Variants in KCNH5 observed in about 807,000 individuals in gnomAD.
KCNH5 encodes potassium voltage-gated channel subfamily H member 5.
A neutral mutation model predicts 96.1 loss-of-function variants in KCNH5; 46 were observed. The observed-to-expected ratio is 0.48, with a 90% confidence interval of 0.38 to 0.61. The LOEUF is 0.61. Among genes scored for constraint, KCNH5 ranks in the 20% least tolerant of loss-of-function variants. The probability of loss-of-function intolerance (pLI) is 0.00; values close to 1 mark genes in which losing one functional copy is unlikely to be tolerated. For synonymous variants in KCNH5, 439 were observed against 449.8 expected, an observed-to-expected ratio of 0.98 and a Z score of 0.30; for missense variants, 907 against 1,225.8, an observed-to-expected ratio of 0.74 and a Z score of 3.88.
intron 8 of KCNH5, among the ~76,000 whole-genome samples, chr14:62,841,541 T>C (rs906774968): frequency 3.3e-5 from 5 of 152,236 alleles, no homozygotes; most frequent in African/African-American, 9.6e-5. Flanking sequence ...TATAGAAATA[T>C]GTCATTCATC....
intron 7 of KCNH5, among the ~76,000 whole-genome samples, chr14:62,923,499 C>A (rs1199130492): frequency 6.6e-6 from 1 of 151,854 alleles, no homozygotes; most frequent in African/African-American, 2.4e-5. Context: ...ATAAAAGACC[C>A]TGAATAGCTA....
Position 62,779,916 on chromosome 14 carries a change from C to T in KCNH5, c.1831G>A (p.Asp611Asn). ...TTCCAGAAGATGTCTCCAAATACAT[C>T]ACCCTTCCCTAGAAAACAGTATAAG... Reference protein sequence around the residue: ...DEVVAILGKGDVFGDIFWKET... With the variant: ...DEVVAILGKGNVFGDIFWKET... Residue 611 changes from aspartate (D) to asparagine (N), a missense_variant, in exon 10 of 11, where the codon GAT becomes AAT. Asp to Asn is a conservative substitution (Grantham distance 23). Around this residue, in one of 6 missense-constraint regions of KCNH5, gnomAD observed 57 missense variants for 76.0 expected, o/e 0.75. Coordinates refer to ENST00000322893, the MANE Select transcript of KCNH5 (RefSeq NM_139318.5). 1 of 1,611,918 alleles carries T rather than the reference C, an allele frequency of 6.2e-7. No homozygotes were observed. The highest frequency in any genetic ancestry group is 8.5e-7 in the Non-Finnish European group (1 of 1,178,976).
At chr14:63,017,943 T>TA in intron 1 of KCNH5, among the ~76,000 whole-genome samples, 1 of 116,906 alleles carries the variant, frequency 8.6e-6, no homozygotes. Context: ...AGTTGCTGTA[T>TA]AAAAAACTGC....
chr14:62,868,963 T>G (rs1213610630), intron 7 of KCNH5, among the ~76,000 whole-genome samples: 2 of 152,344 alleles, frequency 1.3e-5, no homozygotes, highest in East Asian at 3.9e-4. Context: ...TGGTTCGAAG[T>G]CTTTGTTATT....
chr14:62,878,586 C>G (rs1479737194), intron 7 of KCNH5, among the ~76,000 whole-genome samples: 2 of 151,990 alleles, frequency 1.3e-5, no homozygotes, highest in African/African-American at 2.4e-5. Flanking sequence ...AGAAAATATA[C>G]AAAATATATA....
intron 7 of KCNH5, among the ~76,000 whole-genome samples, chr14:62,866,282 C>T (rs1014931002): frequency 2.6e-5 from 4 of 152,152 alleles, no homozygotes; most frequent in African/African-American, 9.7e-5. Context: ...TAAGTTTTGA[C>T]TTGATAAAAT....
intron 8 of KCNH5, among the ~76,000 whole-genome samples, chr14:62,807,193 G>A (rs1017043976): frequency 1.3e-5 from 2 of 152,036 alleles, no homozygotes; most frequent in African/African-American, 4.8e-5. Context: ...CAAGTCAGAG[G>A]TTGGATTAGA....
chr14:62,947,897 T>C (rs1202451704), intron 7 of KCNH5, among the ~76,000 whole-genome samples: 6 of 152,130 alleles, frequency 3.9e-5, no homozygotes, highest in Non-Finnish European at 8.8e-5. Flanking sequence ...TACATACGTA[T>C]ACATGTGCCA....
At chr14:62,811,805 C>T (rs1015359319) in intron 8 of KCNH5, among the ~76,000 whole-genome samples, 2 of 152,024 alleles carry the variant, frequency 1.3e-5, no homozygotes, top group South Asian at 2.1e-4. Context: ...AAGGCAGACT[C>T]CCAGGCAGGA....
intron 4 of KCNH5, among the ~76,000 whole-genome samples, chr14:62,993,358 T>A (rs560026916): frequency 1.3e-5 from 2 of 152,162 alleles, no homozygotes; most frequent in South Asian, 2.1e-4. Context: ...AAAATGACAT[T>A]GGTATTTTGA....
intron 10 of KCNH5, among the ~76,000 whole-genome samples, chr14:62,754,394 T>C (rs920311800): frequency 6.6e-6 from 1 of 151,746 alleles, no homozygotes; most frequent in Non-Finnish European, 1.5e-5. Context: ...TCCTTACTTA[T>C]CAATACAACA....
At chr14:63,022,112 C>G (rs965720606) in intron 1 of KCNH5, among the ~76,000 whole-genome samples, 5 of 152,132 alleles carry the variant, frequency 3.3e-5, no homozygotes, top group African/African-American at 1.2e-4. Flanking sequence ...ATAACATGAT[C>G]ATGACTTTTT....
rs147730088 is a variant in KCNH5 at position 62,796,508 on chromosome 14, T to C, written c.1822+5821A>G. Among the ~76,000 whole-genome samples the C allele has an allele frequency of 1.7e-3, 260 of 152,270 alleles. 1 individual carries two copies. The highest frequency in any genetic ancestry group is 5.9e-3 in the African/African-American group (244 of 41,568). ...GCATAGCTCTCTTGAGAATTTGAAGTTACAATTGAAAGACTTAGATAGAGA... is the reference window on the plus strand; with the variant it reads ...GCATAGCTCTCTTGAGAATTTGAAGCTACAATTGAAAGACTTAGATAGAGA... On this transcript the variant is annotated intron_variant, in intron 9 of 10. Coordinates refer to ENST00000322893, the MANE Select transcript of KCNH5 (RefSeq NM_139318.5).
chr14:62,950,399 T>A lies in KCNH5; in HGVS notation c.1103A>T (p.Tyr368Phe), dbSNP rs1374335565. Residue 368 changes from tyrosine to phenylalanine, a missense_variant, in exon 7 of 11, where the codon TAT becomes TTT. By Grantham distance (22) the Tyr-to-Phe change is conservative (BLOSUM62 3). Transcript: ENST00000322893. ...LVAHWLACIW[Y>F]SIGDYEVIDE... ...AATGACCTCGTAGTCTCCGATGCTA[T>A]ACCATATGCAGGCCAGCCAGTGGGC... 1.2e-6 allele frequency: 2 copies of A among 1,613,932 alleles called. No homozygotes were observed. The highest frequency in any genetic ancestry group is 1.1e-5 in the South Asian group (1 of 91,068).
chr14:62,747,206 C>A (rs1437004991), intron 10 of KCNH5, among the ~76,000 whole-genome samples: 1 of 152,058 alleles, frequency 6.6e-6, no homozygotes, highest in Non-Finnish European at 1.5e-5. Flanking sequence ...GTGGTGGTGC[C>A]CACCTGTAAT....
chr14:62,786,679 A>G (rs1005933394), intron 9 of KCNH5, among the ~76,000 whole-genome samples: 6 of 152,182 alleles, frequency 3.9e-5, no homozygotes, highest in Admixed American at 3.9e-4. Context: ...AGTGTCGAAC[A>G]AGTCTATCGG....
At position 62,938,630 on chromosome 14, in the gene KCNH5, A is replaced by G. The variant is rs192816919; in HGVS notation, c.1369+11503T>C. On this transcript the variant is annotated intron_variant, in intron 7 of 10. Coordinates refer to ENST00000322893, the MANE Select transcript of KCNH5 (RefSeq NM_139318.5). Reference sequence around the variant, plus strand: ...TAAGCAAAATTAAAATCAGATGTCAATTGATGGATATCACATATGTGAGAA... The same window carrying G: ...TAAGCAAAATTAAAATCAGATGTCAGTTGATGGATATCACATATGTGAGAA... Among the ~76,000 whole-genome samples the G allele has an allele frequency of 1.1e-4, 16 of 152,360 alleles. No individual in the cohort carries two copies. In the East Asian group the frequency reaches 2.9e-3, roughly 28 times the overall value.
intron 8 of KCNH5, among the ~76,000 whole-genome samples, chr14:62,843,265 T>G (rs1418986740): frequency 6.6e-6 from 1 of 152,124 alleles, no homozygotes; most frequent in Admixed American, 6.5e-5. Context: ...GAACACAATA[T>G]CCAAACACAA....
At chr14:62,959,649 T>A (rs946255748) in intron 6 of KCNH5, among the ~76,000 whole-genome samples, 1 of 152,166 alleles carries the variant, frequency 6.6e-6, no homozygotes, top group African/African-American at 2.4e-5. Flanking sequence ...ATCATTATGG[T>A]GTCACTAGTA....
Sources: gnomAD v4.1 joint callset for allele counts (sites outside exome capture counted in the v4.1 genomes callset) on GRCh38, gnomAD v4.1.1 for gene constraint, gnomAD v4.1.1 regional missense constraint, MANE v1.5 for transcripts, NCBI Gene and HGNC (gene_info 2026-07-23, HGNC 2026-07-21) for gene names.